The following DGUOK variants were observed in gnomAD, a reference collection of about 807,000 sequenced individuals.
The protein encoded by DGUOK is deoxyguanosine kinase, mitochondrial.
A neutral mutation model predicts 36.6 loss-of-function variants in DGUOK; 30 were observed. That is an observed-to-expected ratio of 0.82 (90% CI 0.61 to 1.11). The LOEUF (loss-of-function observed/expected upper bound fraction) is 1.11, where lower values mean the gene tolerates loss of function less well. Ranked by LOEUF, DGUOK falls within the 50% of genes most tolerant of loss-of-function variation. The pLI is 0.00. For synonymous variants in DGUOK, 145 were observed against 126.3 expected (o/e 1.15, Z -0.99); for missense variants, 361 against 336.4 (o/e 1.07, Z -0.57).
intron 4 of DGUOK, 107 bp from the exon 5 acceptor site, chr2:73,957,018 G>A: frequency 1.3e-6 from 1 of 761,728 alleles, no homozygotes; most frequent in South Asian, 1.4e-5. Flanking sequence ...GGCATGGCTT[G>A]TAATGCCCAA....
chr2:73,936,630 G>A (rs1055026017), intron 1 of DGUOK, among the ~76,000 whole-genome samples: 1 of 152,182 alleles, frequency 6.6e-6, no homozygotes, highest in East Asian at 1.9e-4. Flanking sequence ...CCTTGAGAAA[G>A]ATTACTTCTG....
rs746124008 is a variant in DGUOK, at chr2:73,957,257, G to A, written c.707+17G>A. The A allele has an allele frequency of 6.3e-7, 1 of 1,596,488 alleles. No individual in the cohort carries two copies. The highest frequency in any genetic ancestry group is 1.1e-5 in the South Asian group (1 of 90,340). On this transcript the variant is annotated intron_variant, in intron 5 of 6. Transcript: ENST00000264093. The stretch of plus-strand genomic sequence containing the variant: ...GACAACGAAGTAAGTGGGGAGAAAA[G>A]AATGTATCAGAGACAGAGACCTGGC...
intron 5 of DGUOK, 81 bp downstream of exon 5, chr2:73,957,321 G>GC: frequency 2.0e-6 from 2 of 997,222 alleles, no homozygotes; most frequent in South Asian, 1.4e-5. Flanking sequence ...TCAGCATGCA[G>GC]CCCCCTGTAG....
intron 1 of DGUOK, among the ~76,000 whole-genome samples, chr2:73,931,088 G>A (rs1026562684): frequency 1.3e-5 from 2 of 152,124 alleles, no homozygotes; most frequent in African/African-American, 2.4e-5. Context: ...TAGCCACCGT[G>A]CCTGGCCGAC....
intron 2 of DGUOK, among the ~76,000 whole-genome samples, chr2:73,944,106 C>T (rs1408052062): frequency 6.6e-6 from 1 of 152,196 alleles, no homozygotes; most frequent in Non-Finnish European, 1.5e-5. Context: ...TAGCACTGAA[C>T]TCCTGGGTTC....
intron 2 of DGUOK, among the ~76,000 whole-genome samples, chr2:73,940,073 T>G (rs1374601605): frequency 1.3e-5 from 2 of 152,130 alleles, no homozygotes; most frequent in Non-Finnish European, 2.9e-5. Context: ...GGATACTTTT[T>G]GTATCTTTAG....
At chr2:73,956,415 G>C (rs1242902390) in intron 4 of DGUOK, among the ~76,000 whole-genome samples, 1 of 152,216 alleles carries the variant, frequency 6.6e-6, no homozygotes, top group Non-Finnish European at 1.5e-5. Context: ...GGCTATGGCT[G>C]TAGGCGGTAA....
At chr2:73,958,629 G>T in intron 6 of DGUOK, 81 bp from the exon 7 acceptor site, 1 of 1,207,178 alleles carries the variant, frequency 8.3e-7, no homozygotes, top group South Asian at 1.2e-5. Context: ...CATGGGCTTG[G>T]CTGCATATGC....
chr2:73,957,104 G>A, intron 4 of DGUOK, 21 bp from the exon 5 acceptor site: 1 of 1,585,418 alleles, frequency 6.3e-7, no homozygotes, highest in Non-Finnish European at 8.7e-7. Flanking sequence ...AGCTCATCAG[G>A]GCTTGGGGAC....
chr2:73,943,245 G>A (rs1682028686), intron 2 of DGUOK, among the ~76,000 whole-genome samples: 1 of 152,018 alleles, frequency 6.6e-6, no homozygotes, highest in South Asian at 2.1e-4. Flanking sequence ...TGAAGTCCTG[G>A]ACTCAGGTAT....
At chr2:73,933,469 A>C (rs890965458) in intron 1 of DGUOK, among the ~76,000 whole-genome samples, 1 of 152,182 alleles carries the variant, frequency 6.6e-6, no homozygotes, top group South Asian at 2.1e-4. Flanking sequence ...GAGTTCAAGG[A>C]GGCTTCACAG....
intron 6 of DGUOK, among the ~76,000 whole-genome samples, chr2:73,958,487 C>G (rs1683297718): frequency 1.3e-5 from 2 of 152,144 alleles, no homozygotes; most frequent in African/African-American, 4.8e-5. Flanking sequence ...ACTTTCTTCT[C>G]TAAGGCATCC....
chr2:73,932,589 T>C (rs1681132860), intron 1 of DGUOK: 1 of 1,292,118 alleles, frequency 7.7e-7, no homozygotes, highest in Non-Finnish European at 1.0e-6. Flanking sequence ...TCATCTTCTC[T>C]AATCACAGGT....
In DGUOK at chr2:73,946,896, T is replaced by TA; in HGVS notation, c.434dup (p.Tyr145Ter). The change falls in exon 3 of 7, where the codon TAC becomes TAAC. Residue 145 changes from tyrosine (Y) to a stop codon, truncating the protein, a stop_gained and frameshift_variant. Transcript: ENST00000264093. LOFTEE classifies it high-confidence loss of function. ...KPVQIFERSV[Y>*]SDRYIFAKNL... Reference sequence around the variant, plus strand: ...AGTACAGATCTTTGAGAGGTCTGTGTACAGTGACAGGTAAAATGCCAAGCC... The same window carrying TA: ...AGTACAGATCTTTGAGAGGTCTGTGTAACAGTGACAGGTAAAATGCCAAGCC... The TA allele has an allele frequency of 1.2e-6, 2 of 1,611,890 alleles. No homozygotes were observed. The highest frequency in any genetic ancestry group is 1.7e-6 in the Non-Finnish European group (2 of 1,179,340).
chr2:73,957,502 T>G (rs1362134978), intron 5 of DGUOK, among the ~76,000 whole-genome samples: 1 of 152,096 alleles, frequency 6.6e-6, no homozygotes, highest in Non-Finnish European at 1.5e-5. Flanking sequence ...GGTGAAACCC[T>G]GTCTCTACTA....
Position 73,958,165 on chromosome 2 carries a change from A to T in DGUOK, c.727A>T (p.Met243Leu). The change falls in exon 6 of 7, where the codon ATG (methionine) becomes TTG (leucine). Residue 243 changes from methionine (M) to leucine (L), a missense_variant. Met to Leu is a conservative substitution (Grantham distance 15). Transcript: ENST00000264093. ...KTTKLHFEALMNIPVLVLDVN... is the reference protein window; with the variant it reads ...KTTKLHFEALLNIPVLVLDVN... ...TTATAGGCTCCACTTTGAGGCTCTGATGAACATTCCAGTGCTGGTGTTGGA... is the reference window on the plus strand; with the variant it reads ...TTATAGGCTCCACTTTGAGGCTCTGTTGAACATTCCAGTGCTGGTGTTGGA... 1 of 1,613,784 alleles carries T rather than the reference A, an allele frequency of 6.2e-7. No individual in the cohort carries two copies. The highest frequency in any genetic ancestry group is 1.1e-5 in the South Asian group (1 of 91,060).
In DGUOK at chr2:73,946,831, T is replaced by C; in HGVS notation, c.368T>C (p.Leu123Pro). The change falls in exon 3 of 7, where the codon CTG becomes CCG. Residue 123 changes from leucine to proline, a missense_variant. Transcript: ENST00000264093. ...TTTTTGAGCCGCCTGAAAGTACAGC[T>C]GGAGCCCTTCCCTGAGAAACTCTTA... ...FSFLSRLKVQ[L>P]EPFPEKLLQA... 2 of 1,614,042 alleles carry C rather than the reference T, an allele frequency of 1.2e-6. No individual in the cohort carries two copies. The highest frequency in any genetic ancestry group is 1.3e-5 in the African/African-American group (1 of 75,024).
At chr2:73,939,065 A>G (rs373777929) in intron 2 of DGUOK, 43 bp downstream of exon 2, 2 of 1,263,608 alleles carry the variant, frequency 1.6e-6, no homozygotes, top group African/African-American at 2.9e-5. Flanking sequence ...GCATGGGTGA[A>G]TAATCTAATT....
intron 1 of DGUOK, among the ~76,000 whole-genome samples, chr2:73,934,824 A>G (rs372177132): frequency 6.6e-6 from 1 of 151,672 alleles, no homozygotes; most frequent in Non-Finnish European, 1.5e-5. Context: ...TGTAATCCCA[A>G]CACTTTGGGA....
Sources: allele counts gnomAD v4.1 joint callset (sites outside exome capture counted in the v4.1 genomes callset), GRCh38; gene constraint gnomAD v4.1.1; transcripts MANE v1.5; gene names NCBI Gene and HGNC (gene_info 2026-07-23, HGNC 2026-07-21).